FHIP1A: variants seen among roughly 807,000 people sequenced by gnomAD.
FHIP1A encodes the protein FHF complex subunit HOOK-interacting protein 1A.
FHIP1A carries 61 observed loss-of-function variants against 88.6 expected under a neutral mutation model. The ratio of observed to expected loss-of-function variants is 0.69; its 90% CI spans 0.56 to 0.85. The LOEUF (loss-of-function observed/expected upper bound fraction) is 0.85. FHIP1A is among the 40% of genes least tolerant of loss of function. FHIP1A has a pLI of 0.00. For missense variants in FHIP1A, 1,154 were observed against 1,273.5 expected, an observed-to-expected ratio of 0.91 and a Z score of 1.43; for synonymous variants, 478 against 496.0, an observed-to-expected ratio of 0.96 and a Z score of 0.48.
At chr4:151,496,327 G>T (rs994770526) in intron 3 of FHIP1A, among the ~76,000 whole-genome samples, 1 of 151,756 alleles carries the variant, frequency 6.6e-6, no homozygotes, top group Non-Finnish European at 1.5e-5. Context: ...AAGCTTAAAA[G>T]CTTAAATACT....
chr4:151,556,475 A>G (rs1055185836), intron 3 of FHIP1A, among the ~76,000 whole-genome samples: 2 of 152,230 alleles, frequency 1.3e-5, no homozygotes, highest in Middle Eastern at 3.4e-3. Flanking sequence ...TCTGTCTTTA[A>G]TTTTACTTGA....
At chr4:151,444,211 T>C (rs1229570453) in intron 1 of FHIP1A, among the ~76,000 whole-genome samples, 3 of 152,126 alleles carry the variant, frequency 2.0e-5, no homozygotes, top group Non-Finnish European at 2.9e-5. Flanking sequence ...TATGGAATTC[T>C]CCCATTTTGT....
chr4:151,498,063 T>C (rs1730524837), intron 3 of FHIP1A, among the ~76,000 whole-genome samples: 1 of 152,206 alleles, frequency 6.6e-6, no homozygotes, highest in Non-Finnish European at 1.5e-5. Flanking sequence ...TGACCCCCTC[T>C]CTCTGCTCAT....
At chr4:151,504,752 G>C (rs993434426) in intron 3 of FHIP1A, among the ~76,000 whole-genome samples, 1 of 152,102 alleles carries the variant, frequency 6.6e-6, no homozygotes, top group Admixed American at 6.6e-5. Flanking sequence ...CTCCCAGATA[G>C]CTGGGATTAC....
chr4:151,449,396 TTTAA>T (rs1207015662), intron 1 of FHIP1A, among the ~76,000 whole-genome samples: 2 of 151,852 alleles, frequency 1.3e-5, no homozygotes, highest in Admixed American at 6.6e-5. Context: ...TAAAATTTTT[TTTAA>T]TTGACACATT....
chr4:151,477,551 T>G (rs558770636), intron 2 of FHIP1A, among the ~76,000 whole-genome samples: 1 of 151,656 alleles, frequency 6.6e-6, no homozygotes, highest in South Asian at 2.1e-4. Context: ...AGCTTCTGCA[T>G]ACTTCAAGGA....
intron 3 of FHIP1A, among the ~76,000 whole-genome samples, chr4:151,512,531 G>T (rs997866264): frequency 1.3e-5 from 2 of 152,080 alleles, no homozygotes; most frequent in Non-Finnish European, 2.9e-5. Context: ...TCAAACCAAA[G>T]GCAAAGAAGT....
rs1422203224 is a variant in FHIP1A, at chr4:151,523,375, TA to T, written c.-123+40731del. Among the ~76,000 whole-genome samples the T allele has an allele frequency of 2.6e-5, 4 of 152,216 alleles. No homozygotes were observed. In the East Asian group the frequency reaches 7.7e-4, roughly 29 times the overall value. ...CAGTGGAATTTGTTCATTTATTGTA[TA>T]AAATGGTTATTGTGTGAAGTTTACA... On this transcript the variant is annotated intron_variant, in intron 3 of 13. Transcript: ENST00000435205.
At chr4:151,637,627 C>T (rs1328488585) in intron 8 of FHIP1A, among the ~76,000 whole-genome samples, 6 of 152,084 alleles carry the variant, frequency 3.9e-5, no homozygotes, top group African/African-American at 1.4e-4. Context: ...TATTGTGAGA[C>T]AGAACAGAAA....
At chr4:151,472,187 T>C (rs1447675148) in intron 2 of FHIP1A, among the ~76,000 whole-genome samples, 1 of 152,158 alleles carries the variant, frequency 6.6e-6, no homozygotes, top group Non-Finnish European at 1.5e-5. Flanking sequence ...GAAAAACATA[T>C]TACCATTAAA....
chr4:151,518,909 C>T (rs540667128), intron 3 of FHIP1A, among the ~76,000 whole-genome samples: 1 of 152,012 alleles, frequency 6.6e-6, no homozygotes, highest in African/African-American at 2.4e-5. Context: ...CTCGAGGTCT[C>T]AAACTCCTGG....
At chr4:151,511,348 T>C (rs6815320) in intron 3 of FHIP1A, among the ~76,000 whole-genome samples, 78,647 of 151,620 alleles carry the variant, frequency 0.52, 20,656 homozygotes, top group African/African-American at 0.55. Context: ...CAGCTCCTAG[T>C]GTGAGCGACG....
intron 3 of FHIP1A, among the ~76,000 whole-genome samples, chr4:151,505,172 G>C (rs563798909): frequency 1.9e-4 from 29 of 152,258 alleles, no homozygotes; most frequent in African/African-American, 7.0e-4. Context: ...AAGTTCTAGG[G>C]AGGGTTCTTA....
rs1483271359 is a variant in FHIP1A, at chr4:151,656,348, C to T, written c.2668C>T (p.Leu890=). ...GCTAGCCAGCTACCCCCAGCCACTC[C>T]TGCGCTCCTTTCTGCTCAACACCAA... is the stretch of plus-strand genomic sequence containing the variant. The part of the protein sequence containing the change: ...TQLASYPQPL[L]RSFLLNTNMV... The change falls in exon 12 of 14, where the codon CTG becomes TTG. Residue 890 remains leucine, a synonymous_variant. Coordinates refer to ENST00000435205, the MANE Select transcript of FHIP1A (RefSeq NM_001109977.3). This position sits in a 1 kb window ranked among gnomAD's most constrained non-coding sequence, Gnocchi z 4.2. 5 of 1,551,718 alleles carry T rather than the reference C, an allele frequency of 3.2e-6. No homozygotes were observed. Among genetic ancestry groups the T allele is most frequent in the East Asian group, 2.4e-5 (1 of 40,924 alleles).
At chr4:151,415,539 A>G (rs1580538120) in intron 1 of FHIP1A, among the ~76,000 whole-genome samples, 1 of 152,182 alleles carries the variant, frequency 6.6e-6, no homozygotes, top group Non-Finnish European at 1.5e-5. Context: ...CCATTTTTCT[A>G]TATTAAGAAC....
rs765947724 is a variant in FHIP1A at position 151,596,516 on chromosome 4, C to G, written c.978+7590C>G. Among the ~76,000 whole-genome samples the G allele has an allele frequency of 2.9e-4, 44 of 152,020 alleles. 1 individual carries two copies. The highest frequency in any genetic ancestry group is 5.1e-4 in the Non-Finnish European group (35 of 68,018). ...TTATGTGTCTTGGGGTTGCTCTTCTCGAGATGTATCTTTGTGGTGGTCTCT... is the reference window on the plus strand; with the variant it reads ...TTATGTGTCTTGGGGTTGCTCTTCTGGAGATGTATCTTTGTGGTGGTCTCT... On this transcript the variant is annotated intron_variant, in intron 7 of 13. Coordinates refer to ENST00000435205, the MANE Select transcript of FHIP1A (RefSeq NM_001109977.3).
rs558258706 is a variant in FHIP1A at position 151,639,918 on chromosome 4, A to C, written c.1226+1162A>C. ...AGCTGAGAGTGGGGGAAGAGGGAGG[A>C]GACCTGGTCTTCCCCTAGTCCACAT... On this transcript the variant is annotated intron_variant, in intron 9 of 13. Transcript: ENST00000435205. Among the ~76,000 whole-genome samples, 4 of 152,278 alleles carry C rather than the reference A, an allele frequency of 2.6e-5. No homozygotes were observed. In the East Asian group the frequency reaches 7.7e-4, roughly 29 times the overall value.
At chr4:151,425,065 C>T (rs1733310558) in intron 1 of FHIP1A, among the ~76,000 whole-genome samples, 1 of 152,138 alleles carries the variant, frequency 6.6e-6, no homozygotes, top group Non-Finnish European at 1.5e-5. Flanking sequence ...GTCAATCTTA[C>T]CATTACAAAA....
At chr4:151,644,808 C>T (rs180719388) in intron 9 of FHIP1A, among the ~76,000 whole-genome samples, 35 of 152,278 alleles carry the variant, frequency 2.3e-4, no homozygotes, top group African/African-American at 7.9e-4. Flanking sequence ...CTGCTGTGCA[C>T]CCTGGCGCCC....
Sources: gnomAD v4.1 joint callset for allele counts (sites outside exome capture counted in the v4.1 genomes callset) on GRCh38, gnomAD v4.1.1 for gene constraint, Gnocchi (gnomAD v3.1) non-coding constraint, MANE v1.5 for transcripts, NCBI Gene and HGNC (gene_info 2026-07-23, HGNC 2026-07-21) for gene names.